Variants in LONP2 observed in about 807,000 individuals in gnomAD.
LONP2 encodes lon peptidase 2, peroxisomal.
Under a neutral mutation model 85.6 loss-of-function variants are expected in LONP2, and 60 were observed. The ratio of observed to expected loss-of-function variants is 0.70; its 90% CI spans 0.57 to 0.87. The LOEUF is 0.87. LONP2 is among the 40% of genes least tolerant of loss of function. The probability of loss-of-function intolerance (pLI) is 0.00; values close to 1 mark genes in which losing one functional copy is unlikely to be tolerated. For synonymous variants in LONP2, 395 were observed against 389.7 expected, an observed-to-expected ratio of 1.01 and a Z score of -0.16; for missense variants, 860 against 1,063.5, an observed-to-expected ratio of 0.81 and a Z score of 2.66.
intron 8 of LONP2, among the ~76,000 whole-genome samples, chr16:48,283,326 A>G (rs1972369862): frequency 6.6e-6 from 1 of 152,238 alleles, no homozygotes; most frequent in Non-Finnish European, 1.5e-5. Flanking sequence ...TTCTATGTAG[A>G]TGAAACAGCC....
intron 4 of LONP2, among the ~76,000 whole-genome samples, chr16:48,260,815 G>C (rs920264474): frequency 1.3e-5 from 2 of 152,230 alleles, no homozygotes; most frequent in African/African-American, 4.8e-5. Context: ...GATGCCGAAG[G>C]CTCACTGAAG....
chr16:48,349,183 T>C (rs986483185), intron 14 of LONP2, among the ~76,000 whole-genome samples: 1 of 145,592 alleles, frequency 6.9e-6, no homozygotes, highest in African/African-American at 2.7e-5. Context: ...TGAGTATTAG[T>C]CTACAACAGA....
chr16:48,252,444 A>G, intron 2 of LONP2, 79 bp downstream of exon 2: 1 of 904,786 alleles, frequency 1.1e-6, no homozygotes. Flanking sequence ...AATCTGTTGG[A>G]TAGTGAAGTT....
intron 8 of LONP2, among the ~76,000 whole-genome samples, chr16:48,295,657 A>G (rs555513779): frequency 6.6e-6 from 1 of 152,324 alleles, no homozygotes. Context: ...TTCCCATAGC[A>G]GTTTAGATAG....
intron 6 of LONP2, among the ~76,000 whole-genome samples, chr16:48,268,928 A>G (rs374577356): frequency 6.6e-6 from 1 of 152,194 alleles, no homozygotes; most frequent in Admixed American, 6.5e-5. Flanking sequence ...GTATTAATTA[A>G]TTAAAAGATT....
intron 8 of LONP2, among the ~76,000 whole-genome samples, chr16:48,288,432 C>G (rs1360193747): frequency 1.3e-5 from 2 of 152,238 alleles, no homozygotes; most frequent in South Asian, 4.1e-4. Flanking sequence ...GTATTACAGG[C>G]ATGAGCCACC....
rs546589484 is a variant in LONP2 at position 48,299,808 on chromosome 16, G to T, written c.1661+20G>T. The T allele has an allele frequency of 2.6e-5, 42 of 1,604,068 alleles. No individual in the cohort carries two copies. The highest frequency in any genetic ancestry group is 2.2e-4 in the East Asian group (10 of 44,626). On this transcript the variant is annotated intron_variant, in intron 10 of 14. Coordinates refer to ENST00000285737, the MANE Select transcript of LONP2 (RefSeq NM_031490.5). Reference sequence around the variant, plus strand: ...CACCAGGTTAGTTAGCCATCCTGAGGCTTCATTAACTCCAGGCAACTTTTG... The same window carrying T: ...CACCAGGTTAGTTAGCCATCCTGAGTCTTCATTAACTCCAGGCAACTTTTG...
chr16:48,277,668 C>CT (rs891136693), intron 8 of LONP2, among the ~76,000 whole-genome samples, 189 bp downstream of exon 8: 152 of 151,256 alleles, frequency 1.0e-3, no homozygotes, highest in African/African-American at 3.5e-3. Context: ...ACTAAGTCCC[C>CT]TTTTTTTTTA....
At chr16:48,269,584 C>G (rs1255531350) in intron 6 of LONP2, among the ~76,000 whole-genome samples, 1 of 152,094 alleles carries the variant, frequency 6.6e-6, no homozygotes, top group Non-Finnish European at 1.5e-5. Flanking sequence ...TAGTGGTGAT[C>G]TCTTGGGGGC....
intron 14 of LONP2, 109 bp from the exon 15 acceptor site, chr16:48,351,472 G>T: frequency 1.3e-6 from 1 of 796,712 alleles, no homozygotes; most frequent in Non-Finnish European, 2.0e-6. Context: ...AAGATGATTT[G>T]GATGTTTTAA....
intron 12 of LONP2, among the ~76,000 whole-genome samples, chr16:48,342,633 G>A (rs1272885104): frequency 1.3e-5 from 2 of 152,210 alleles, no homozygotes; most frequent in South Asian, 2.1e-4. Context: ...GATGACAGTG[G>A]TGGACCCCAA....
chr16:48,339,769 A>G (rs1297306081), intron 12 of LONP2, among the ~76,000 whole-genome samples: 1 of 152,220 alleles, frequency 6.6e-6, no homozygotes, highest in Non-Finnish European at 1.5e-5. Flanking sequence ...TGAGTTATTT[A>G]TAAGGAAAAG....
intron 7 of LONP2, among the ~76,000 whole-genome samples, chr16:48,270,602 T>A (rs909946715): frequency 6.6e-6 from 1 of 152,136 alleles, no homozygotes; most frequent in Non-Finnish European, 1.5e-5. Flanking sequence ...ATGCCATAAA[T>A]AATGATCCCT....
chr16:48,305,577 C>T (rs565885590), intron 11 of LONP2, among the ~76,000 whole-genome samples: 1 of 152,114 alleles, frequency 6.6e-6, no homozygotes, highest in South Asian at 2.1e-4. Flanking sequence ...TTTATTTTTA[C>T]TCTGCCTTGG....
chr16:48,336,511 C>T, intron 12 of LONP2: 1 of 449,126 alleles, frequency 2.2e-6, no homozygotes, highest in Non-Finnish European at 4.5e-6. Flanking sequence ...GAGCTGAGTC[C>T]GAAAAGAGAG....
intron 11 of LONP2, among the ~76,000 whole-genome samples, chr16:48,313,313 A>G (rs1156521199): frequency 6.6e-6 from 1 of 152,152 alleles, no homozygotes; most frequent in Non-Finnish European, 1.5e-5. Flanking sequence ...GTCTTCTTAC[A>G]TAAGTTTTTT....
intron 1 of LONP2, 29 bp from the exon 2 acceptor site, chr16:48,252,102 G>T: frequency 6.7e-7 from 1 of 1,496,202 alleles, no homozygotes. Flanking sequence ...TTGAATGTTT[G>T]TAATACCGAT....
At position 48,261,532 on chromosome 16, in the gene LONP2, C is replaced by A. The variant is rs887572577; in HGVS notation, c.832C>A (p.Arg278=). The change falls in exon 5 of 15, where the codon CGA becomes AGA. Residue 278 remains arginine, a synonymous_variant. Transcript: ENST00000285737. ...CATTGTCATGCTAGAGAAAAAAATA[C>A]GAACATCTAGTATGCCAGAGCAGGC... The part of the protein sequence containing the change: ...DDIVMLEKKI[R]TSSMPEQAHK... 6.2e-7 allele frequency: 1 copy of A among 1,605,492 alleles called. No individual in the cohort carries two copies. The highest frequency in any genetic ancestry group is 8.5e-7 in the Non-Finnish European group (1 of 1,176,090).
chr16:48,270,172 G>A lies in LONP2; in HGVS notation c.1139G>A (p.Gly380Asp). Residue 380 changes from glycine (G) to aspartate (D), a missense_variant, in exon 7 of 15, where the codon GGT (glycine) becomes GAT (aspartate). This residue lies in a region of LONP2 where 743 missense variants were observed against 917.3 expected (regional missense o/e 0.81). Coordinates refer to ENST00000285737, the MANE Select transcript of LONP2 (RefSeq NM_031490.5). ...TGCTTTGTTGGCCCTCCTGGAGTTGGTAAAACAAGTGTGGGAAGATCAGTG... is the reference window on the plus strand; with the variant it reads ...TGCTTTGTTGGCCCTCCTGGAGTTGATAAAACAAGTGTGGGAAGATCAGTG... Reference protein sequence around the residue: ...ILCFVGPPGVGKTSVGRSVAK... With the variant: ...ILCFVGPPGVDKTSVGRSVAK... The A allele has an allele frequency of 6.2e-7, 1 of 1,614,054 alleles. No individual in the cohort carries two copies. Among genetic ancestry groups the A allele is most frequent in the Non-Finnish European group, 8.5e-7 (1 of 1,179,970 alleles).
Sources: allele counts gnomAD v4.1 joint callset (sites outside exome capture counted in the v4.1 genomes callset), GRCh38; gene constraint gnomAD v4.1.1; regional missense constraint gnomAD v4.1.1; transcripts MANE v1.5; gene names NCBI Gene and HGNC (gene_info 2026-07-23, HGNC 2026-07-21).